Variants in ZNF804B observed in about 807,000 individuals in gnomAD.
ZNF804B encodes zinc finger protein 804B, also known as zinc finger 804B.
A neutral mutation model predicts 101.4 loss-of-function variants in ZNF804B; 80 were observed. That is an observed-to-expected ratio of 0.79 (90% CI 0.66 to 0.95). The LOEUF is 0.95. Ranked by LOEUF, ZNF804B falls within the 40% of genes least tolerant of loss-of-function variation. The pLI is 0.00. For synonymous variants in ZNF804B, 622 were observed against 558.8 expected, an observed-to-expected ratio of 1.11 and a Z score of -1.59; for missense variants, 1,673 against 1,561.9, an observed-to-expected ratio of 1.07 and a Z score of -1.20.
chr7:88,776,908 C>G (rs1048426790), intron 1 of ZNF804B, among the ~76,000 whole-genome samples: 3 of 151,612 alleles, frequency 2.0e-5, no homozygotes, highest in African/African-American at 7.3e-5. Context: ...TAATCCAATA[C>G]CAAGTAATTG....
intron 1 of ZNF804B, among the ~76,000 whole-genome samples, chr7:88,992,308 C>T (rs1793858914): frequency 6.6e-6 from 1 of 152,052 alleles, no homozygotes; most frequent in Non-Finnish European, 1.5e-5. Context: ...TTTCTTTATA[C>T]CTTGGACTAA....
At chr7:89,076,020 T>C (rs1417318687) in intron 1 of ZNF804B, among the ~76,000 whole-genome samples, 1 of 152,212 alleles carries the variant, frequency 6.6e-6, no homozygotes, top group Non-Finnish European at 1.5e-5. Flanking sequence ...CACCATTGTA[T>C]CTAGGAAGAA....
At chr7:89,317,949 A>G (rs1271775690) in intron 2 of ZNF804B, among the ~76,000 whole-genome samples, 1 of 152,218 alleles carries the variant, frequency 6.6e-6, no homozygotes, top group Non-Finnish European at 1.5e-5. Context: ...AGAGAAGAGC[A>G]TCAAAAAGTA....
chr7:88,916,075 TAAAATG>T (rs1261723903), intron 1 of ZNF804B, among the ~76,000 whole-genome samples: 1 of 152,036 alleles, frequency 6.6e-6, no homozygotes. Flanking sequence ...ATTGATCACT[TAAAATG>T]AAAACTCTTG....
At chr7:89,183,522 T>G (rs1788330980) in intron 1 of ZNF804B, among the ~76,000 whole-genome samples, 1 of 152,194 alleles carries the variant, frequency 6.6e-6, no homozygotes. Context: ...TATTTGTTCT[T>G]TCTCTCAGGG....
intron 1 of ZNF804B, among the ~76,000 whole-genome samples, chr7:89,060,513 G>T (rs1441105238): frequency 1.3e-5 from 2 of 152,076 alleles, no homozygotes; most frequent in Non-Finnish European, 2.9e-5. Context: ...TACAAAATTT[G>T]TCGATCACAA....
At chr7:89,088,966 C>T (rs1789844860) in intron 1 of ZNF804B, among the ~76,000 whole-genome samples, 2 of 151,962 alleles carry the variant, frequency 1.3e-5, no homozygotes, top group Admixed American at 6.6e-5. Context: ...TGCTATTCCA[C>T]CTCCCTTGCC....
At chr7:89,274,658 G>T (rs545290583) in intron 2 of ZNF804B, among the ~76,000 whole-genome samples, 52 of 151,786 alleles carry the variant, frequency 3.4e-4, no homozygotes, top group African/African-American at 1.2e-3. Context: ...TAACTGACCT[G>T]CTTACTTTTG....
intron 1 of ZNF804B, among the ~76,000 whole-genome samples, chr7:89,217,951 A>G (rs1227418737): frequency 1.3e-4 from 20 of 152,160 alleles, no homozygotes; most frequent in Non-Finnish European, 2.9e-4. Context: ...GCTCCAGACC[A>G]GGGCTACTTT....
In ZNF804B at chr7:89,265,265, A is replaced by AGTGTGT. The variant is rs71102029; in HGVS notation, c.249+46994_249+46999dup. Among the ~76,000 whole-genome samples the AGTGTGT allele has an allele frequency of 6.4e-3, 926 of 145,220 alleles. 11 individuals are homozygous for AGTGTGT. Among genetic ancestry groups the AGTGTGT allele is most frequent in the African/African-American group, 0.022 (862 of 39,786 alleles). The stretch of plus-strand genomic sequence containing the variant: ...GATTATAAAGTTCACAGGTTAAGTC[A>AGTGTGT]GTGTGTGTGTGTGTGTGTGTGTGTG... On this transcript the variant is annotated intron_variant, in intron 2 of 3. Transcript: ENST00000333190.
chr7:88,781,017 T>C (rs533866218), intron 1 of ZNF804B, among the ~76,000 whole-genome samples: 1 of 152,270 alleles, frequency 6.6e-6, no homozygotes, highest in East Asian at 1.9e-4. Context: ...TTTAGGCACA[T>C]GTAGTTAAGC....
chr7:88,953,487 T>C (rs559902139), intron 1 of ZNF804B, among the ~76,000 whole-genome samples: 5 of 151,894 alleles, frequency 3.3e-5, no homozygotes, highest in African/African-American at 1.2e-4. Context: ...ATTTATTGTC[T>C]GTCTTGATTT....
chr7:89,078,906 G>T (rs1433872941), intron 1 of ZNF804B, among the ~76,000 whole-genome samples: 1 of 151,884 alleles, frequency 6.6e-6, no homozygotes, highest in Non-Finnish European at 1.5e-5. Context: ...ATTCATTCAG[G>T]TAGATTAAAG....
chr7:88,822,492 T>C (rs1790998066), intron 1 of ZNF804B, among the ~76,000 whole-genome samples: 2 of 152,288 alleles, frequency 1.3e-5, no homozygotes, highest in South Asian at 4.1e-4. Context: ...TTCTTTCAGC[T>C]TGGGAAAGTA....
chr7:89,173,981 T>C (rs142001810), intron 1 of ZNF804B, among the ~76,000 whole-genome samples: 337 of 152,184 alleles, frequency 2.2e-3, no homozygotes, highest in Non-Finnish European at 3.4e-3. Flanking sequence ...TATATATTTA[T>C]GGGGTATGTG....
intron 1 of ZNF804B, among the ~76,000 whole-genome samples, chr7:89,209,499 T>C (rs13230176): frequency 0.24 from 36,329 of 152,126 alleles, 4,585 homozygotes; most frequent in Non-Finnish European, 0.27. Flanking sequence ...GAATCTGCAG[T>C]TCTGATTATG....
At chr7:88,867,022 A>G (rs1264328234) in intron 1 of ZNF804B, among the ~76,000 whole-genome samples, 1 of 152,230 alleles carries the variant, frequency 6.6e-6, no homozygotes, top group African/African-American at 2.4e-5. Context: ...CTTTGTGGCC[A>G]TATGCACACA....
At chr7:89,190,193 G>A (rs1788433243) in intron 1 of ZNF804B, among the ~76,000 whole-genome samples, 2 of 151,740 alleles carry the variant, frequency 1.3e-5, no homozygotes, top group Admixed American at 1.3e-4. Flanking sequence ...AAATTAGCCG[G>A]GCATAGTGGC....
intron 1 of ZNF804B, among the ~76,000 whole-genome samples, chr7:89,178,579 CT>C (rs1399001088): frequency 6.6e-6 from 1 of 152,036 alleles, no homozygotes; most frequent in African/African-American, 2.4e-5. Context: ...CATCTTTCCA[CT>C]TTTTGACTTT....
Sources: gnomAD v4.1 joint callset for allele counts (sites outside exome capture counted in the v4.1 genomes callset) on GRCh38, gnomAD v4.1.1 for gene constraint, MANE v1.5 for transcripts, NCBI Gene and HGNC (gene_info 2026-07-23, HGNC 2026-07-21) for gene names.